Variants in BCR observed in about 807,000 individuals in gnomAD.
BCR encodes the protein breakpoint cluster region protein.
BCR carries 58 observed loss-of-function variants against 138.6 expected under a neutral mutation model. That is an observed-to-expected ratio of 0.42 (90% CI 0.34 to 0.52). BCR has a LOEUF of 0.52. Among genes scored for constraint, BCR ranks in the 20% least tolerant of loss-of-function variants. The probability of loss-of-function intolerance (pLI) is 0.06; values close to 1 mark genes in which losing one functional copy is unlikely to be tolerated. For missense variants in BCR, 1,599 were observed against 1,727.2 expected (o/e 0.93, Z 1.32); for synonymous variants, 786 against 730.1 (o/e 1.08, Z -1.23).
chr22:23,253,066 G>A (rs1202387831), intron 1 of BCR, among the ~76,000 whole-genome samples: 1 of 152,162 alleles, frequency 6.6e-6, no homozygotes, highest in Non-Finnish European at 1.5e-5. Context: ...TGCTGGAACG[G>A]CTCAGAGAAC....
At chr22:23,182,522 A>G (rs576396009) in intron 1 of BCR, among the ~76,000 whole-genome samples, 30 of 152,326 alleles carry the variant, frequency 2.0e-4, no homozygotes, top group Admixed American at 1.6e-3. Context: ...TTTGTGAAGT[A>G]CAGCTTGTGA....
chr22:23,237,919 GAA>G (rs2146251404), intron 1 of BCR, among the ~76,000 whole-genome samples: 1 of 152,374 alleles, frequency 6.6e-6, no homozygotes, highest in South Asian at 2.1e-4. Context: ...GGAAAGGAGC[GAA>G]AGAGTGCGCT....
intron 8 of BCR, among the ~76,000 whole-genome samples, chr22:23,274,963 A>G (rs1310421185): frequency 6.6e-6 from 1 of 150,692 alleles, no homozygotes; most frequent in Non-Finnish European, 1.5e-5. Flanking sequence ...CTTCTGGTTC[A>G]TGGGCCAGGT....
intron 16 of BCR, among the ~76,000 whole-genome samples, chr22:23,297,719 C>T (rs1186867313): frequency 6.6e-6 from 1 of 152,140 alleles, no homozygotes; most frequent in African/African-American, 2.4e-5. Context: ...TTCTGCCAAC[C>T]ATTGACTCAA....
rs375972022 is a variant in BCR, at chr22:23,271,516, G to A, written c.1861-16G>A. The A allele has an allele frequency of 6.8e-6, 11 of 1,613,714 alleles. No homozygotes were observed. Among genetic ancestry groups the A allele is most frequent in the South Asian group, 4.4e-5 (4 of 91,082 alleles). ...GCTTCTGTCATCTGTGTGAACATGC[G>A]CTTTTCTCTCTGCAGAACCTGAGAG... On this transcript the variant is annotated splice_polypyrimidine_tract_variant and intron_variant, in intron 5 of 22. Transcript: ENST00000305877.
intron 8 of BCR, among the ~76,000 whole-genome samples, chr22:23,275,985 C>G (rs1188565850): frequency 6.6e-6 from 1 of 152,110 alleles, no homozygotes; most frequent in African/African-American, 2.4e-5. Context: ...AAGGAAAACG[C>G]GATGTTGTCT....
At chr22:23,220,212 C>T (rs549789324) in intron 1 of BCR, among the ~76,000 whole-genome samples, 3 of 152,340 alleles carry the variant, frequency 2.0e-5, no homozygotes, top group South Asian at 4.1e-4. Flanking sequence ...GGATCTACCT[C>T]CCTCTGTCGA....
chr22:23,182,524 A>G (rs2072284041), intron 1 of BCR, among the ~76,000 whole-genome samples: 1 of 152,238 alleles, frequency 6.6e-6, no homozygotes. Context: ...TGTGAAGTAC[A>G]GCTTGTGAGT....
chr22:23,281,798 T>G (rs564248047), intron 8 of BCR, among the ~76,000 whole-genome samples: 1 of 152,308 alleles, frequency 6.6e-6, no homozygotes, highest in East Asian at 1.9e-4. Flanking sequence ...CTCCCCACAG[T>G]CAGGCCTGTG....
In BCR at chr22:23,261,468, C is replaced by G. The variant is rs2073355646; in HGVS notation, c.1680C>G (p.Phe560Leu). The G allele has an allele frequency of 6.2e-7, 1 of 1,613,838 alleles. No individual in the cohort carries two copies. Among genetic ancestry groups the G allele is most frequent in the South Asian group, 1.1e-5 (1 of 91,078 alleles). The part of the protein sequence containing the change: ...VPELYEIHKE[F>L]YDGLFPRVQQ... ...AGCTCTACGAGATCCACAAGGAGTTCTATGATGGGCTCTTCCCCCGCGTGC... is the reference window on the plus strand; with the variant it reads ...AGCTCTACGAGATCCACAAGGAGTTGTATGATGGGCTCTTCCCCCGCGTGC... The change falls in exon 4 of 23, where the codon TTC becomes TTG. Residue 560 changes from phenylalanine (F) to leucine (L), a missense_variant. Phe to Leu is a conservative substitution (Grantham distance 22). Coordinates refer to ENST00000305877, the MANE Select transcript of BCR (RefSeq NM_004327.4).
intron 8 of BCR, among the ~76,000 whole-genome samples, chr22:23,277,201 G>A (rs931397870): frequency 6.6e-6 from 1 of 152,368 alleles, no homozygotes; most frequent in African/African-American, 2.4e-5. Context: ...GGGAGAAAGG[G>A]ACTGTGCCTC....
At position 23,273,639 on chromosome 22, in the gene BCR, G is replaced by A. The variant is rs895794051; in HGVS notation, c.1980G>A (p.Leu660=). 2.5e-6 allele frequency: 4 copies of A among 1,613,560 alleles called. No individual in the cohort carries two copies. The South Asian group carries it at 3.3e-5, about 13-fold the overall frequency. The change falls in exon 8 of 23, where the codon TTG becomes TTA. Residue 660 remains leucine, a synonymous_variant. Coordinates refer to ENST00000305877, the MANE Select transcript of BCR (RefSeq NM_004327.4). ...VTRSTLVLHD[L]LKHTPASHPD... is the part of the protein sequence containing the mutation. Reference sequence around the variant, plus strand: ...AGTCTTTCTTCCTGGGGCAGGACTTGCTGAAGCACACTCCTGCCAGCCACC... The same window carrying A: ...AGTCTTTCTTCCTGGGGCAGGACTTACTGAAGCACACTCCTGCCAGCCACC...
intron 1 of BCR, among the ~76,000 whole-genome samples, chr22:23,209,656 GC>G (rs1206080455): frequency 2.0e-5 from 3 of 151,886 alleles, no homozygotes; most frequent in Non-Finnish European, 2.9e-5. Flanking sequence ...ACACCATTCT[GC>G]CTCAGCCTCC....
chr22:23,218,712 G>A (rs913925524), intron 1 of BCR, among the ~76,000 whole-genome samples: 1 of 152,224 alleles, frequency 6.6e-6, no homozygotes, highest in Non-Finnish European at 1.5e-5. Context: ...TCCTCATAGT[G>A]AGGACCCATG....
intron 18 of BCR, among the ~76,000 whole-genome samples, chr22:23,311,471 G>A (rs1163255252): frequency 2.0e-5 from 3 of 151,968 alleles, no homozygotes; most frequent in East Asian, 3.9e-4. Flanking sequence ...TGTGTGATTC[G>A]CAGGGGTTCT....
chr22:23,292,399 G>A (rs2073798292), intron 14 of BCR, 142 bp from the exon 15 acceptor site: 2 of 643,112 alleles, frequency 3.1e-6, no homozygotes, highest in South Asian at 1.7e-5. Flanking sequence ...ACAATTAGGT[G>A]TTTAATTTTT....
At chr22:23,282,729 G>A (rs978563884) in intron 8 of BCR, among the ~76,000 whole-genome samples, 58 of 152,210 alleles carry the variant, frequency 3.8e-4, no homozygotes, top group African/African-American at 1.4e-3. Context: ...ACCGCCTGCG[G>A]GGAGACACTG....
At chr22:23,268,714 C>T (rs2073474841) in intron 5 of BCR, among the ~76,000 whole-genome samples, 199 bp downstream of exon 5, 1 of 152,236 alleles carries the variant, frequency 6.6e-6, no homozygotes, top group African/African-American at 2.4e-5. Flanking sequence ...ACAGGGCGTC[C>T]TGCCTCCCCG....
intron 1 of BCR, among the ~76,000 whole-genome samples, chr22:23,215,567 T>G (rs1005867296): frequency 6.6e-6 from 1 of 152,226 alleles, no homozygotes; most frequent in Non-Finnish European, 1.5e-5. Flanking sequence ...TGGGAAGTGG[T>G]GAGCCTCAGA....
Sources: allele counts gnomAD v4.1 joint callset (sites outside exome capture counted in the v4.1 genomes callset), GRCh38; gene constraint gnomAD v4.1.1; transcripts MANE v1.5; gene names NCBI Gene and HGNC (gene_info 2026-07-23, HGNC 2026-07-21).